The following CDK5RAP2 variants were observed in gnomAD, a reference collection of about 807,000 sequenced individuals.
CDK5RAP2 encodes the protein CDK5 regulatory subunit associated protein 2, also known as CDK5 regulatory subunit-associated protein 2.
CDK5RAP2 carries 147 observed loss-of-function variants against 232.9 expected under a neutral mutation model. The ratio of observed to expected loss-of-function variants is 0.63; its 90% CI spans 0.55 to 0.72. CDK5RAP2 has a LOEUF of 0.72. Ranked by LOEUF, CDK5RAP2 falls within the 30% of genes least tolerant of loss-of-function variation. The pLI, the probability that CDK5RAP2 is intolerant of heterozygous loss-of-function variation, is 0.00. For missense variants in CDK5RAP2, 2,195 were observed against 2,231.5 expected (o/e 0.98, Z 0.33); for synonymous variants, 833 against 833.7 (o/e 1.00, Z 0.01).
chr9:120,491,410 C>A lies in CDK5RAP2; in HGVS notation c.1379G>T (p.Arg460Leu). ...VNEREKAMEN[R>L]YKSLLSESNK... is the part of the protein sequence containing the mutation. ...GCTTTCACTCAGAAGACTCTTGTAA[C>A]GATTTTCCATTGCTTTCTCTCTTTC... is the stretch of plus-strand genomic sequence containing the variant. The change falls in exon 13 of 38, where the codon CGT (arginine) becomes CTT (leucine). Residue 460 changes from arginine to leucine, a missense_variant. Coordinates refer to ENST00000349780, the MANE Select transcript of CDK5RAP2 (RefSeq NM_018249.6). 6 of 1,612,192 alleles carry A rather than the reference C, an allele frequency of 3.7e-6. No individual in the cohort carries two copies. Among genetic ancestry groups the A allele is most frequent in the Non-Finnish European group, 5.1e-6 (6 of 1,178,800 alleles).
intron 12 of CDK5RAP2, 55 bp downstream of exon 12, chr9:120,518,372 C>G: frequency 2.8e-6 from 4 of 1,430,516 alleles, no homozygotes; most frequent in Non-Finnish European, 3.9e-6. Flanking sequence ...CCAGACACAG[C>G]CACATAGCCC....
At chr9:120,442,352 A>G (rs149140988) in intron 23 of CDK5RAP2, among the ~76,000 whole-genome samples, 4 of 152,306 alleles carry the variant, frequency 2.6e-5, no homozygotes, top group Non-Finnish European at 5.9e-5. Flanking sequence ...TTAACCCTCA[A>G]TGTGAAGGCC....
chr9:120,537,703 A>G (rs1564354324), intron 6 of CDK5RAP2, among the ~76,000 whole-genome samples: 1 of 152,152 alleles, frequency 6.6e-6, no homozygotes, highest in Non-Finnish European at 1.5e-5. Context: ...AAAAAAAAAA[A>G]AAAGAAAGAA....
At chr9:120,518,210 T>TGACAGAGA (rs1392875462) in intron 12 of CDK5RAP2, among the ~76,000 whole-genome samples, 1 of 43,934 alleles carries the variant, frequency 2.3e-5, no homozygotes, top group Non-Finnish European at 4.9e-5. Flanking sequence ...TGTGTGTGTG[T>TGACAGAGA]GAGAGAGAGA....
rs759937491 is a variant in CDK5RAP2, at chr9:120,419,983, T to C, written c.4005-23A>G. ...ATCCTTAACCATTGAGATTGAAAGATAAATCATCTCCCATGCTAAAATCCC... is the reference window on the plus strand; with the variant it reads ...ATCCTTAACCATTGAGATTGAAAGACAAATCATCTCCCATGCTAAAATCCC... On this transcript the variant is annotated intron_variant, in intron 26 of 37. Coordinates refer to ENST00000349780, the MANE Select transcript of CDK5RAP2 (RefSeq NM_018249.6). 4 of 1,593,662 alleles carry C rather than the reference T, an allele frequency of 2.5e-6. No individual in the cohort carries two copies. In the African/African-American group the frequency reaches 5.4e-5, roughly 21 times the overall value.
chr9:120,524,362 C>T (rs1396916724), intron 11 of CDK5RAP2, among the ~76,000 whole-genome samples: 2 of 152,122 alleles, frequency 1.3e-5, no homozygotes, highest in African/African-American at 4.8e-5. Flanking sequence ...CAAATACGGC[C>T]GGGCGCAGTG....
At chr9:120,537,985 T>C (rs573098009) in intron 6 of CDK5RAP2, among the ~76,000 whole-genome samples, 3 of 152,114 alleles carry the variant, frequency 2.0e-5, no homozygotes, top group Non-Finnish European at 4.4e-5. Flanking sequence ...CTCCAACACA[T>C]GGGAAAGCAC....
chr9:120,435,470 TACACAC>T (rs55654634), intron 25 of CDK5RAP2, among the ~76,000 whole-genome samples: 285 of 147,398 alleles, frequency 1.9e-3, no homozygotes, highest in African/African-American at 5.1e-3. Context: ...ATTACACATT[TACACAC>T]ACACACACAC....
Position 120,431,328 on chromosome 9 carries a change from T to C in CDK5RAP2, c.3955+5967A>G, listed in dbSNP as rs1338919978. Among the ~76,000 whole-genome samples, 5 of 152,280 alleles carry C rather than the reference T, an allele frequency of 3.3e-5. No homozygotes were observed. In the South Asian group the frequency reaches 1.0e-3, roughly 32 times the overall value. ...TGATAGGAGTGTGAAAAGCACGATA[T>C]CATGGTGGTTAGGAGGGTAGACTGT... On this transcript the variant is annotated intron_variant, in intron 25 of 37. Coordinates refer to ENST00000349780, the MANE Select transcript of CDK5RAP2 (RefSeq NM_018249.6).
At chr9:120,453,371 G>GA in intron 21 of CDK5RAP2, 85 bp downstream of exon 21, 10 of 1,281,016 alleles carry the variant, frequency 7.8e-6, no homozygotes, top group Non-Finnish European at 1.1e-5. Flanking sequence ...ATATAAATGG[G>GA]AAAAAAGTGG....
intron 20 of CDK5RAP2, among the ~76,000 whole-genome samples, chr9:120,454,730 A>G (rs2036660596): frequency 6.6e-6 from 1 of 152,146 alleles, no homozygotes; most frequent in African/African-American, 2.4e-5. Context: ...TTTCTGGGGA[A>G]ACTCTCAACC....
intron 18 of CDK5RAP2, among the ~76,000 whole-genome samples, chr9:120,465,430 CTGTT>C (rs1477980652): frequency 1.3e-5 from 2 of 152,120 alleles, no homozygotes; most frequent in African/African-American, 4.8e-5. Context: ...TCTTGGTGTT[CTGTT>C]TGTTTGGTGG....
chr9:120,463,577 G>A (rs936983189), intron 18 of CDK5RAP2, among the ~76,000 whole-genome samples: 2 of 152,174 alleles, frequency 1.3e-5, no homozygotes, highest in African/African-American at 4.8e-5. Flanking sequence ...AAGAGGCACG[G>A]AGAAGCTCCT....
chr9:120,410,257 T>C (rs571890885), intron 29 of CDK5RAP2, among the ~76,000 whole-genome samples: 1 of 152,124 alleles, frequency 6.6e-6, no homozygotes, highest in African/African-American at 2.4e-5. Context: ...AGCATTCACC[T>C]CCTCCCTCAA....
intron 22 of CDK5RAP2, among the ~76,000 whole-genome samples, chr9:120,446,667 T>C (rs1429776706): frequency 1.3e-5 from 2 of 152,178 alleles, no homozygotes; most frequent in South Asian, 2.1e-4. Context: ...GGACCTCATC[T>C]TCTACATACA....
chr9:120,418,341 G>A (rs1465566890), intron 27 of CDK5RAP2, among the ~76,000 whole-genome samples: 2 of 152,172 alleles, frequency 1.3e-5, no homozygotes, highest in Non-Finnish European at 2.9e-5. Context: ...GGCGAAGGGT[G>A]GAAAAAGAGG....
rs569004931 is a variant in CDK5RAP2 at position 120,408,535 on chromosome 9, C to T, written c.4605-67G>A. 451 of 1,587,322 alleles carry T rather than the reference C, an allele frequency of 2.8e-4. 1 individual carries two copies. In the Middle Eastern group the frequency reaches 4.2e-3, roughly 15 times the overall value. On this transcript the variant is annotated intron_variant, in intron 30 of 37. Transcript: ENST00000349780. ...ACCTCAGGGTAACTTATTCAAACCC[C>T]ACAGAGCAGGCCAATTCCACCCTCA...
At chr9:120,571,916 T>C in intron 2 of CDK5RAP2, 58 bp downstream of exon 2, 1 of 1,352,788 alleles carries the variant, frequency 7.4e-7, no homozygotes, top group Non-Finnish European at 1.1e-6. Flanking sequence ...ATGCTCACAG[T>C]CCAATGTCTA....
chr9:120,396,631 T>A (rs975490654), intron 35 of CDK5RAP2, among the ~76,000 whole-genome samples: 2 of 152,156 alleles, frequency 1.3e-5, no homozygotes, highest in Non-Finnish European at 2.9e-5. Context: ...CCTTTACTTG[T>A]TTGCTTCCTG....
Sources: allele counts gnomAD v4.1 joint callset (sites outside exome capture counted in the v4.1 genomes callset), GRCh38; gene constraint gnomAD v4.1.1; transcripts MANE v1.5; gene names NCBI Gene and HGNC (gene_info 2026-07-23, HGNC 2026-07-21).